ESCO1: variants seen among roughly 807,000 people sequenced by gnomAD.
ESCO1 encodes establishment of sister chromatid cohesion N-acetyltransferase 1.
ESCO1 carries 33 observed loss-of-function variants against 83.5 expected under a neutral mutation model. The observed-to-expected ratio is 0.40, with a 90% CI of 0.30 to 0.53. The LOEUF is 0.53. Among genes scored for constraint, ESCO1 ranks in the 20% least tolerant of loss-of-function variants. The probability of loss-of-function intolerance (pLI) is 0.63; values close to 1 mark genes in which losing one functional copy is unlikely to be tolerated. For missense variants in ESCO1, 855 were observed against 968.0 expected, an observed-to-expected ratio of 0.88 and a Z score of 1.55; for synonymous variants, 332 against 324.3, an observed-to-expected ratio of 1.02 and a Z score of -0.25.
In ESCO1 at chr18:21,574,463, T is replaced by C. The variant is rs778198723; in HGVS notation, c.381A>G (p.Gln127=). The part of the protein sequence containing the change: ...QLNRRSQRLQ[Q]LTEVSRRSLR... ...ACGACCTTCTTGAAACCTCTGTTAA[T>C]TGTTGTAGCCTTTGTGATCTCCGGT... The change falls in exon 4 of 12, where the codon CAA becomes CAG. Residue 127 remains glutamine (Q), a synonymous_variant. Coordinates refer to ENST00000269214, the MANE Select transcript of ESCO1 (RefSeq NM_052911.3). 1.2e-6 allele frequency: 2 copies of C among 1,614,176 alleles called. No homozygotes were observed. Among genetic ancestry groups the C allele is most frequent in the Non-Finnish European group, 1.7e-6 (2 of 1,180,030 alleles).
At chr18:21,583,935 T>C (rs2038538733) in intron 2 of ESCO1, among the ~76,000 whole-genome samples, 1 of 152,146 alleles carries the variant, frequency 6.6e-6, no homozygotes, top group Non-Finnish European at 1.5e-5. Flanking sequence ...GAAGAAACAT[T>C]ATTAAACCAA....
intron 8 of ESCO1, among the ~76,000 whole-genome samples, chr18:21,541,912 A>G (rs900862868): frequency 7.9e-5 from 12 of 152,286 alleles, no homozygotes; most frequent in African/African-American, 2.6e-4. Flanking sequence ...AAACAGTAAT[A>G]CTGGTTTCAT....
intron 8 of ESCO1, among the ~76,000 whole-genome samples, chr18:21,559,486 G>C (rs2038155569): frequency 6.6e-6 from 1 of 152,156 alleles, no homozygotes; most frequent in African/African-American, 2.4e-5. Context: ...CAGAAATTAA[G>C]AATTTTCCTT....
intron 4 of ESCO1, among the ~76,000 whole-genome samples, chr18:21,568,509 T>C (rs1047365981): frequency 6.6e-6 from 1 of 152,214 alleles, no homozygotes; most frequent in South Asian, 2.1e-4. Context: ...TAGACTATAA[T>C]GTCCAATATG....
chr18:21,561,949 G>A (rs1468449241), intron 7 of ESCO1, among the ~76,000 whole-genome samples: 1 of 151,816 alleles, frequency 6.6e-6, no homozygotes, highest in Non-Finnish European at 1.5e-5. Flanking sequence ...CGCCATCTTG[G>A]CTCACTGCAA....
At chr18:21,563,213 A>C (rs977758601) in intron 7 of ESCO1, among the ~76,000 whole-genome samples, 45 of 151,970 alleles carry the variant, frequency 3.0e-4, no homozygotes, top group African/African-American at 1.0e-3. Flanking sequence ...TACTGAAAGG[A>C]GGTAGTGATC....
In ESCO1 at chr18:21,536,113, T is replaced by C. The variant is rs1322646160; in HGVS notation, c.2116A>G (p.Thr706Ala). Reference protein sequence around the residue: ...QQAPLMCYSRTKTLLFISNDK... With the variant: ...QQAPLMCYSRAKTLLFISNDK... ...TTGGAAATGAAGAGAAGTGTTTTAG[T>C]TCTGGAATAGCACATTAGTGGAGCC... The change falls in exon 10 of 12, where the codon ACT (threonine) becomes GCT (alanine). Residue 706 changes from threonine (T) to alanine (A), a missense_variant. Transcript: ENST00000269214. The C allele has an allele frequency of 6.2e-7, 1 of 1,614,164 alleles. No individual in the cohort carries two copies.
In ESCO1 at chr18:21,575,669, TAC is replaced by T; in HGVS notation, c.-588+1_-588+2del. 2.5e-6 allele frequency: 1 copy of T among 398,448 alleles called. No individual in the cohort carries two copies. The highest frequency in any genetic ancestry group is 2.1e-5 in the African/African-American group (1 of 48,728). The allele number at this position is 398,448 out of a possible 1,614,324, so 24.7% of individuals were successfully genotyped here. A position where few individuals can be genotyped will look rare whatever the true frequency, so the allele number is the denominator to read the frequency against. On this transcript the variant is annotated splice_donor_variant, in intron 3 of 11. Coordinates refer to ENST00000269214, the MANE Select transcript of ESCO1 (RefSeq NM_052911.3). LOFTEE classifies it low-confidence loss of function (5UTR_SPLICE). The stretch of plus-strand genomic sequence containing the variant: ...ATCAGTGTATTCCTTGAGGTTTACT[TAC>T]AGTTTTTGCCCCAAAATATAGACTC...
In ESCO1 at chr18:21,538,287, T is replaced by TA. The variant is rs34369531; in HGVS notation, c.2043+1632dup. Among the ~76,000 whole-genome samples the TA allele has an allele frequency of 5.1e-3, 630 of 124,696 alleles. 2 individuals carry two copies. Among genetic ancestry groups the TA allele is most frequent in the East Asian group, 0.013 (58 of 4,298 alleles). The allele number at this position is 124,696 out of a possible 152,430, so 81.8% of individuals were successfully genotyped here. A position where few individuals can be genotyped will look rare whatever the true frequency, so the allele number is the denominator to read the frequency against. ...GGCAACACGGTGAGACCCTGTCTCT[T>TA]AAAAAAAAAAAAAAAAAAAAAAGTT... On this transcript the variant is annotated intron_variant, in intron 9 of 11. Transcript: ENST00000269214.
chr18:21,560,052 G>C (rs1196752276), intron 8 of ESCO1, among the ~76,000 whole-genome samples: 1 of 152,066 alleles, frequency 6.6e-6, no homozygotes, highest in Admixed American at 6.6e-5. Flanking sequence ...TATATGAAAT[G>C]AATTGGTGAT....
chr18:21,578,443 T>C (rs773460775), intron 2 of ESCO1, among the ~76,000 whole-genome samples: 97 of 151,988 alleles, frequency 6.4e-4, no homozygotes, highest in South Asian at 2.1e-4. Flanking sequence ...GGACGAGCCA[T>C]GAGGTCCAAC....
At chr18:21,569,422 C>A (rs1028531087) in intron 4 of ESCO1, among the ~76,000 whole-genome samples, 3 of 151,726 alleles carry the variant, frequency 2.0e-5, no homozygotes, top group Admixed American at 6.6e-5. Flanking sequence ...CACAGTGAAA[C>A]CCTGTCTCTA....
chr18:21,570,054 T>C (rs539682761), intron 4 of ESCO1, among the ~76,000 whole-genome samples: 79 of 152,266 alleles, frequency 5.2e-4, no homozygotes, highest in African/African-American at 1.9e-3. Flanking sequence ...GTGGTCAAAA[T>C]GTTGAGATTA....
chr18:21,564,676 G>A (rs1008162992), intron 6 of ESCO1, among the ~76,000 whole-genome samples: 22 of 151,856 alleles, frequency 1.4e-4, no homozygotes, highest in Non-Finnish European at 1.2e-4. Flanking sequence ...GATTACAGGC[G>A]TGAGCCACCG....
intron 6 of ESCO1, 106 bp from the exon 7 acceptor site, chr18:21,564,423 C>T: frequency 2.6e-6 from 2 of 766,594 alleles, no homozygotes; most frequent in Non-Finnish European, 4.0e-6. Flanking sequence ...CGAAGTCTCA[C>T]TCTGTCGCCC....
chr18:21,573,520 T>C lies in ESCO1; in HGVS notation c.1324A>G (p.Lys442Glu), dbSNP rs2038369718. 1 of 1,613,886 alleles carries C rather than the reference T, an allele frequency of 6.2e-7. No individual in the cohort carries two copies. The change falls in exon 4 of 12, where the codon AAG becomes GAG. Residue 442 changes from lysine (K) to glutamate (E), a missense_variant. Lys to Glu is a moderately conservative substitution (Grantham distance 56). This residue lies in a region of ESCO1 where 726 missense variants were observed against 699.5 expected (regional missense o/e 1.04). Coordinates refer to ENST00000269214, the MANE Select transcript of ESCO1 (RefSeq NM_052911.3). ...CAAGTTATATTTCTATCATGTAGCT[T>C]TGTCCCTAAAAACGTACTTTGAGTC... ...PVTQSTFLGT[K>E]LHDRNITCQQ...
chr18:21,591,660 C>T (rs901325653), intron 1 of ESCO1, among the ~76,000 whole-genome samples: 15 of 140,448 alleles, frequency 1.1e-4, no homozygotes, highest in African/African-American at 3.7e-4. Context: ...ACCACAGATG[C>T]TTTTTTTTTT....
intron 1 of ESCO1, among the ~76,000 whole-genome samples, 161 bp from the exon 2 acceptor site, chr18:21,584,601 G>C (rs1049998320): frequency 6.6e-6 from 1 of 151,956 alleles, no homozygotes; most frequent in African/African-American, 2.4e-5. Context: ...ATCAAGGATC[G>C]CTTGAGCCCA....
intron 8 of ESCO1, among the ~76,000 whole-genome samples, chr18:21,558,596 G>A (rs2038142077): frequency 6.6e-6 from 1 of 151,852 alleles, no homozygotes; most frequent in African/African-American, 2.4e-5. Flanking sequence ...GGGAGTGGTG[G>A]CATGCACCTG....
Sources: gnomAD v4.1 joint callset for allele counts (sites outside exome capture counted in the v4.1 genomes callset) on GRCh38, gnomAD v4.1.1 for gene constraint, gnomAD v4.1.1 regional missense constraint, MANE v1.5 for transcripts, NCBI Gene and HGNC (gene_info 2026-07-23, HGNC 2026-07-21) for gene names.